NCOA1: variants seen among roughly 807,000 people sequenced by gnomAD.
NCOA1 encodes the protein Hin-2 protein.
A neutral mutation model predicts 150.9 loss-of-function variants in NCOA1; 35 were observed. The ratio of observed to expected loss-of-function variants is 0.23; its 90% confidence interval spans 0.18 to 0.31. The LOEUF (loss-of-function observed/expected upper bound fraction) is 0.31, where lower values mean the gene tolerates loss of function less well. Among genes scored for constraint, NCOA1 ranks in the 10% least tolerant of loss-of-function variants. The probability of loss-of-function intolerance (pLI) is 1.00; values close to 1 mark genes in which losing one functional copy is unlikely to be tolerated. For synonymous variants in NCOA1, 590 were observed against 630.0 expected, an observed-to-expected ratio of 0.94 and a Z score of 0.95; for missense variants, 1,491 against 1,749.3, an observed-to-expected ratio of 0.85 and a Z score of 2.63.
chr2:24,660,375 T>G (rs1671129978), intron 5 of NCOA1, among the ~76,000 whole-genome samples: 1 of 152,132 alleles, frequency 6.6e-6, no homozygotes, highest in Non-Finnish European at 1.5e-5. Flanking sequence ...TGTTATCATA[T>G]TTGCATAATC....
chr2:24,723,190 T>C (rs1674444793), intron 14 of NCOA1, among the ~76,000 whole-genome samples: 1 of 152,206 alleles, frequency 6.6e-6, no homozygotes, highest in Non-Finnish European at 1.5e-5. Flanking sequence ...CTTTTTAAAA[T>C]ACAAATAGTG....
chr2:24,534,111 C>G (rs1412021929), intron 1 of NCOA1, among the ~76,000 whole-genome samples: 2 of 152,002 alleles, frequency 1.3e-5, no homozygotes, highest in Non-Finnish European at 2.9e-5. Flanking sequence ...ATTATTGCCT[C>G]AATTTCAGAG....
chr2:24,719,392 T>C (rs1572638029), intron 14 of NCOA1, among the ~76,000 whole-genome samples: 1 of 152,030 alleles, frequency 6.6e-6, no homozygotes, highest in Non-Finnish European at 1.5e-5. Flanking sequence ...TTCTCAAAAT[T>C]TGTTGAACTG....
chr2:24,666,181 T>C (rs1018956856), intron 6 of NCOA1, among the ~76,000 whole-genome samples: 1 of 151,614 alleles, frequency 6.6e-6, no homozygotes, highest in Non-Finnish European at 1.5e-5. Context: ...CTGGCTGATC[T>C]TTTTGTATTT....
At chr2:24,757,504 C>CT (rs1384118914) in intron 20 of NCOA1, among the ~76,000 whole-genome samples, 6 of 152,194 alleles carry the variant, frequency 3.9e-5, no homozygotes, top group Non-Finnish European at 7.4e-5. Context: ...AGTATTAAGT[C>CT]TAAGAGGCTC....
chr2:24,691,410 A>G, intron 8 of NCOA1, 71 bp from the exon 9 acceptor site: 1 of 1,432,906 alleles, frequency 7.0e-7, no homozygotes, highest in Non-Finnish European at 9.6e-7. Context: ...CTTAAAGTAC[A>G]TCTTTTGTAT....
chr2:24,613,017 T>G (rs1266421065), intron 3 of NCOA1, among the ~76,000 whole-genome samples: 1 of 152,176 alleles, frequency 6.6e-6, no homozygotes, highest in Non-Finnish European at 1.5e-5. Context: ...ACTGGCACTT[T>G]TGATTTTTGT....
chr2:24,635,938 G>A (rs913322303), intron 3 of NCOA1, among the ~76,000 whole-genome samples: 6 of 152,028 alleles, frequency 3.9e-5, no homozygotes, highest in Non-Finnish European at 8.8e-5. Context: ...GTCAGGATCC[G>A]GTTGATAGGA....
At chr2:24,730,245 A>G (rs1243702942) in intron 17 of NCOA1, among the ~76,000 whole-genome samples, 1 of 152,208 alleles carries the variant, frequency 6.6e-6, no homozygotes, top group Non-Finnish European at 1.5e-5. Flanking sequence ...TTCATGAAAG[A>G]CTTGAAGAGC....
chr2:24,679,116 C>T (rs188798353), intron 7 of NCOA1, among the ~76,000 whole-genome samples: 46 of 152,322 alleles, frequency 3.0e-4, no homozygotes, highest in Admixed American at 1.4e-3. Context: ...TGAACCCTTC[C>T]GTGTGACACA....
intron 3 of NCOA1, among the ~76,000 whole-genome samples, chr2:24,586,962 T>TC (rs1667438903): frequency 2.0e-5 from 3 of 152,162 alleles, no homozygotes; most frequent in Admixed American, 1.3e-4. Flanking sequence ...GTGAAGATTC[T>TC]TCCCATATTC....
chr2:24,642,672 C>G (rs886345937), intron 3 of NCOA1, among the ~76,000 whole-genome samples: 3 of 152,072 alleles, frequency 2.0e-5, no homozygotes, highest in African/African-American at 7.2e-5. Flanking sequence ...AAAGCCTGTA[C>G]AGAAATATTC....
chr2:24,637,678 G>A (rs1670000477), intron 3 of NCOA1, among the ~76,000 whole-genome samples: 1 of 151,544 alleles, frequency 6.6e-6, no homozygotes, highest in African/African-American at 2.4e-5. Context: ...ATATATTGGG[G>A]GTTTTTTGTT....
At chr2:24,588,248 T>C (rs144250428) in intron 3 of NCOA1, among the ~76,000 whole-genome samples, 100 of 152,228 alleles carry the variant, frequency 6.6e-4, no homozygotes, top group African/African-American at 2.3e-3. Context: ...CCATACCCAT[T>C]AATTTTTCTG....
intron 1 of NCOA1, among the ~76,000 whole-genome samples, chr2:24,527,878 TATCTC>T (rs1664717947): frequency 1.3e-5 from 2 of 152,248 alleles, no homozygotes; most frequent in South Asian, 4.1e-4. Context: ...TTTAAGGTGA[TATCTC>T]ATAGTGTTTT....
chr2:24,769,363 G>C lies in NCOA1; in HGVS notation c.*972G>C, dbSNP rs2148711949. On this transcript the variant is annotated 3_prime_UTR_variant, in exon 23 of 23. Coordinates refer to ENST00000348332, the MANE Select transcript of NCOA1 (RefSeq NM_003743.5). ...ACTCTTGATTTTTCTAAATTTGTGT[G>C]TGAAATATAACATTGATTGAATTGC... 5.3e-6 allele frequency: 1 copy of C among 188,016 alleles called. No individual in the cohort carries two copies. The allele number at this position is 188,016 out of a possible 1,614,324, so 11.6% of individuals were successfully genotyped here.
At chr2:24,510,339 G>A (rs1320755885) in intron 1 of NCOA1, among the ~76,000 whole-genome samples, 1 of 152,020 alleles carries the variant, frequency 6.6e-6, no homozygotes, top group Non-Finnish European at 1.5e-5. Flanking sequence ...GAGCCACCAC[G>A]CCCGGCTGCA....
chr2:24,645,927 A>C (rs1670451798), intron 4 of NCOA1, among the ~76,000 whole-genome samples: 2 of 152,188 alleles, frequency 1.3e-5, no homozygotes, highest in African/African-American at 4.8e-5. Flanking sequence ...GAGAAATTTT[A>C]ATTAAGTAGG....
At chr2:24,633,300 A>T (rs1370237390) in intron 3 of NCOA1, among the ~76,000 whole-genome samples, 2 of 152,060 alleles carry the variant, frequency 1.3e-5, no homozygotes, top group Admixed American at 6.6e-5. Context: ...GAAAAGAAAA[A>T]CTCAAAGAAA....
Sources: allele counts gnomAD v4.1 joint callset (sites outside exome capture counted in the v4.1 genomes callset), GRCh38; gene constraint gnomAD v4.1.1; transcripts MANE v1.5; gene names NCBI Gene and HGNC (gene_info 2026-07-23, HGNC 2026-07-21).